SLC22A4: variants seen among roughly 807,000 people sequenced by gnomAD.
SLC22A4 encodes solute carrier family 22 member 4.
A neutral mutation model predicts 56.6 loss-of-function variants in SLC22A4; 39 were observed. The ratio of observed to expected loss-of-function variants is 0.69; its 90% CI spans 0.53 to 0.90. The LOEUF is 0.90. Ranked by LOEUF, SLC22A4 falls within the 40% of genes least tolerant of loss-of-function variation. The probability of loss-of-function intolerance (pLI) is 0.00; values close to 1 mark genes in which losing one functional copy is unlikely to be tolerated. For missense variants in SLC22A4, 594 were observed against 696.5 expected (o/e 0.85, Z 1.66); for synonymous variants, 241 against 281.4 (o/e 0.86, Z 1.44).
At chr5:132,306,911 A>G (rs1443366660) in intron 1 of SLC22A4, among the ~76,000 whole-genome samples, 1 of 152,226 alleles carries the variant, frequency 6.6e-6, no homozygotes, top group Non-Finnish European at 1.5e-5. Context: ...GCAAATTCAT[A>G]GAGACAGAAA....
At chr5:132,322,107 T>C (rs1234975930) in intron 3 of SLC22A4, 77 bp from the exon 4 acceptor site, 2 of 1,321,600 alleles carry the variant, frequency 1.5e-6, no homozygotes, top group Non-Finnish European at 1.1e-6. Flanking sequence ...GTTTGAACTC[T>C]AACTGCCACA....
At chr5:132,295,866 C>G (rs1749766884) in intron 1 of SLC22A4, among the ~76,000 whole-genome samples, 1 of 152,224 alleles carries the variant, frequency 6.6e-6, no homozygotes, top group African/African-American at 2.4e-5. Context: ...ATGCTCCTCC[C>G]AAGAAAAACC....
intron 6 of SLC22A4, among the ~76,000 whole-genome samples, chr5:132,332,770 T>C (rs1339515259): frequency 3.5e-5 from 4 of 112,686 alleles, no homozygotes; most frequent in African/African-American, 1.0e-4. Context: ...ACACACACGA[T>C]GATCGTCAGA....
intron 3 of SLC22A4, among the ~76,000 whole-genome samples, chr5:132,319,336 GT>G (rs1268582130): frequency 6.7e-6 from 1 of 150,196 alleles, no homozygotes; most frequent in East Asian, 2.0e-4. Flanking sequence ...AAGAAAAACT[GT>G]AAAAATGACA....
Position 132,335,918 on chromosome 5 carries a change from C to A in SLC22A4, c.1362C>A (p.Thr454=), listed in dbSNP as rs1751011592. Residue 454 remains threonine (T), a synonymous_variant, in exon 8 of 10, where the codon ACC becomes ACA. Transcript: ENST00000200652. ...LYVFTAELYP[T]LVRNMAVGVT... ...TCTTCACTGCTGAGCTCTACCCAACCCTGGTCAGGAACATGGCGGTGGGGG... is the reference window on the plus strand; with the variant it reads ...TCTTCACTGCTGAGCTCTACCCAACACTGGTCAGGAACATGGCGGTGGGGG... 2 of 1,614,052 alleles carry A rather than the reference C, an allele frequency of 1.2e-6. No individual in the cohort carries two copies. Among genetic ancestry groups the A allele is most frequent in the African/African-American group, 1.3e-5 (1 of 74,914 alleles).
At chr5:132,323,707 T>A (rs928530134) in intron 4 of SLC22A4, among the ~76,000 whole-genome samples, 1 of 152,226 alleles carries the variant, frequency 6.6e-6, no homozygotes, top group Non-Finnish European at 1.5e-5. Context: ...ATCATCATCA[T>A]CATCTGTCCT....
At chr5:132,313,836 C>A (rs1750257096) in intron 3 of SLC22A4, 68 bp downstream of exon 3, 1 of 1,443,462 alleles carries the variant, frequency 6.9e-7, no homozygotes, top group South Asian at 1.1e-5. Context: ...AAGAGGAAAT[C>A]ATTGGGCCAT....
In SLC22A4 at chr5:132,340,633, C is replaced by T; in HGVS notation, c.1513C>T (p.Leu505Phe). ...SLTVLIGILT[L>F]FFPESLGMTL... The stretch of plus-strand genomic sequence containing the variant: ...GACTGTCCTGATTGGAATCCTCACC[C>T]TTTTTTTCCCTGAAAGTTTGGGAAT... Residue 505 changes from leucine (L) to phenylalanine (F), a missense_variant, in exon 9 of 10, where the codon CTT becomes TTT. Transcript: ENST00000200652. 6.2e-7 allele frequency: 1 copy of T among 1,611,908 alleles called. No individual in the cohort carries two copies. The highest frequency in any genetic ancestry group is 8.5e-7 in the Non-Finnish European group (1 of 1,178,044).
rs1561531533 is a variant in SLC22A4, at chr5:132,294,819, CGCT to C, written c.206_208del (p.Leu69del). 1 of 1,611,552 alleles carries C rather than the reference CGCT, an allele frequency of 6.2e-7. No individual in the cohort carries two copies. Among genetic ancestry groups the C allele is most frequent in the African/African-American group, 1.3e-5 (1 of 74,888 alleles). On this transcript the variant is annotated inframe_deletion, in exon 1 of 10. Transcript: ENST00000200652. The surrounding 1 kb of genome is among the most constrained non-coding windows in gnomAD (Gnocchi z 5.6). Reference sequence around the variant, plus strand: ...AGCGCCTGGCGCAACAACAGTGTCCCGCTGCGGCTGCGGGACGGCCGCGAGGTG... The same window carrying C: ...AGCGCCTGGCGCAACAACAGTGTCCCGCGGCTGCGGGACGGCCGCGAGGTG...
At chr5:132,339,419 G>A (rs991974130) in intron 8 of SLC22A4, among the ~76,000 whole-genome samples, 25 of 151,242 alleles carry the variant, frequency 1.7e-4, no homozygotes, top group African/African-American at 6.1e-4. Flanking sequence ...CTCTACTGGT[G>A]AGAAATGCAG....
intron 1 of SLC22A4, 31 bp downstream of exon 1, chr5:132,295,040 G>A: frequency 6.3e-7 from 1 of 1,589,554 alleles, no homozygotes; most frequent in Non-Finnish European, 8.6e-7. Flanking sequence ...GTTGACCCGG[G>A]AGTGCCTGAC....
chr5:132,314,365 G>C (rs1248388447), intron 3 of SLC22A4, among the ~76,000 whole-genome samples: 1 of 152,194 alleles, frequency 6.6e-6, no homozygotes, highest in Admixed American at 6.5e-5. Context: ...TCAGTTACAA[G>C]GTCATGAAGA....
Position 132,327,843 on chromosome 5 carries a change from T to C in SLC22A4, c.951+440T>C, listed in dbSNP as rs1750726589. Among the ~76,000 whole-genome samples, 3 of 152,206 alleles carry C rather than the reference T, an allele frequency of 2.0e-5. No individual in the cohort carries two copies. The South Asian group carries it at 6.2e-4, about 31-fold the overall frequency. The stretch of plus-strand genomic sequence containing the variant: ...GCTATGCATGTCTTTAGTCTCACTC[T>C]GTGTCATGTCTAGAACCTTAAGGCC... On this transcript the variant is annotated intron_variant, in intron 5 of 9. Coordinates refer to ENST00000200652, the MANE Select transcript of SLC22A4 (RefSeq NM_003059.3).
At chr5:132,324,601 A>G (rs750421087) in intron 4 of SLC22A4, 33 of 470,912 alleles carry the variant, frequency 7.0e-5, no homozygotes, top group South Asian at 5.0e-4. Flanking sequence ...CCATTTTCCT[A>G]TAAAAGAAAA....
rs182047382 is a variant in SLC22A4, at chr5:132,311,065, G to T, written c.394-1096G>T. On this transcript the variant is annotated intron_variant, in intron 1 of 9. Coordinates refer to ENST00000200652, the MANE Select transcript of SLC22A4 (RefSeq NM_003059.3). ...TTTATAAACACCTCTGTCTGCTGCA[G>T]AATAAGGTGTGATATAAATATGTGA... Among the ~76,000 whole-genome samples the T allele has an allele frequency of 4.7e-4, 71 of 152,304 alleles. 2 individuals are homozygous for T. Among genetic ancestry groups the T allele is most frequent in the Admixed American group, 4.6e-3 (70 of 15,300 alleles).
At chr5:132,330,305 G>T (rs1244167069) in intron 5 of SLC22A4, among the ~76,000 whole-genome samples, 1 of 152,202 alleles carries the variant, frequency 6.6e-6, no homozygotes, top group Non-Finnish European at 1.5e-5. Context: ...AAGTCACAAA[G>T]TCCTGGTACT....
intron 8 of SLC22A4, among the ~76,000 whole-genome samples, chr5:132,337,264 A>G (rs1751050723): frequency 1.5e-5 from 1 of 65,038 alleles, no homozygotes; most frequent in South Asian, 3.0e-4. Context: ...AACAATAAAG[A>G]TTACCTTTTT....
intron 8 of SLC22A4, among the ~76,000 whole-genome samples, chr5:132,336,570 A>G (rs1436956991): frequency 1.3e-5 from 2 of 152,182 alleles, no homozygotes; most frequent in Non-Finnish European, 2.9e-5. Flanking sequence ...AAACACACAA[A>G]TAACATTATA....
At chr5:132,312,348 T>C in intron 2 of SLC22A4, 84 bp downstream of exon 2, 1 of 921,310 alleles carries the variant, frequency 1.1e-6, no homozygotes, top group Non-Finnish European at 1.8e-6. Context: ...ATTCAGGGTA[T>C]TTCTACCCAG....
Sources: gnomAD v4.1 joint callset for allele counts (sites outside exome capture counted in the v4.1 genomes callset) on GRCh38, gnomAD v4.1.1 for gene constraint, Gnocchi (gnomAD v3.1) non-coding constraint, MANE v1.5 for transcripts, NCBI Gene and HGNC (gene_info 2026-07-23, HGNC 2026-07-21) for gene names.